The following NSDHL variants were observed in gnomAD, a reference collection of about 807,000 sequenced individuals.
The protein encoded by NSDHL is NAD(P) dependent 3-beta-hydroxysteroid dehydrogenase NSDHL.
Under a neutral mutation model 23.0 loss-of-function variants are expected in NSDHL, and 1 was observed. The observed-to-expected ratio is 0.04, with a 90% CI of 0.02 to 0.21. The LOEUF (loss-of-function observed/expected upper bound fraction) is 0.21, where lower values mean the gene tolerates loss of function less well. Ranked by LOEUF, NSDHL falls within the 10% of genes least tolerant of loss-of-function variation. The pLI is 1.00. For synonymous variants in NSDHL, 128 were observed against 121.1 expected (o/e 1.06, Z -0.37); for missense variants, 237 against 300.9 (o/e 0.79, Z 1.57).
chrX:152,868,469 G>T (rs1287440000), intron 7 of NSDHL, among the ~76,000 whole-genome samples: 31 of 112,226 alleles, frequency 2.8e-4, no homozygotes. Context: ...GCAGAACACC[G>T]TCAAGAAATG....
At chrX:152,865,793 G>C (rs377272148) in intron 5 of NSDHL, 26 bp from the exon 6 acceptor site, 7 of 1,211,715 alleles carry the variant, frequency 5.8e-6, no homozygotes, top group Non-Finnish European at 6.7e-6. Flanking sequence ...TGCAATGGAC[G>C]TGCCCCTTCT....
At chrX:152,865,754 G>A (rs1933596559) in intron 5 of NSDHL, 65 bp from the exon 6 acceptor site, 4 of 1,177,597 alleles carry the variant, frequency 3.4e-6, no homozygotes, top group Admixed American at 2.2e-5. Flanking sequence ...CACCCAGCGA[G>A]GCACTCTCTT....
intron 5 of NSDHL, among the ~76,000 whole-genome samples, chrX:152,862,959 C>T (rs1286236596): frequency 2.7e-5 from 3 of 111,163 alleles, no homozygotes; most frequent in East Asian, 2.8e-4. Context: ...GTCAGGAGTT[C>T]GAGACCAGCC....
chrX:152,862,625 C>T lies in NSDHL; in HGVS notation c.444C>T (p.Val148=). 8.3e-7 allele frequency: 1 copy of T among 1,206,423 alleles called. No individual in the cohort carries two copies. Among genetic ancestry groups the T allele is most frequent in the Non-Finnish European group, 1.1e-6 (1 of 890,858 alleles). ...QKLILTSSAS[V]IFEGVDIKNG... is the part of the protein sequence containing the mutation. Reference sequence around the variant, plus strand: ...TCATTTTAACCAGCAGTGCCAGTGTCATCTTTGAGGGCGTCGATATCAAGA... The same window carrying T: ...TCATTTTAACCAGCAGTGCCAGTGTTATCTTTGAGGGCGTCGATATCAAGA... The change falls in exon 5 of 8, where the codon GTC becomes GTT. Residue 148 remains valine (V), a synonymous_variant. Coordinates refer to ENST00000370274, the MANE Select transcript of NSDHL (RefSeq NM_015922.3).
chrX:152,866,116 A>G (rs938091397), intron 6 of NSDHL, among the ~76,000 whole-genome samples, 155 bp downstream of exon 6: 1 of 112,649 alleles, frequency 8.9e-6, no homozygotes, highest in Non-Finnish European at 1.9e-5. Flanking sequence ...AAGACTGGGT[A>G]ACAAACAACA....
intron 2 of NSDHL, among the ~76,000 whole-genome samples, chrX:152,847,502 A>G (rs1347046533): frequency 9.0e-6 from 1 of 111,513 alleles, no homozygotes; most frequent in Non-Finnish European, 1.9e-5. Flanking sequence ...GCAGTTCCTC[A>G]TTTATGTAAA....
rs782236914 is a variant in NSDHL at position 152,869,262 on chromosome X, G to A, written c.*146G>A. On this transcript the variant is annotated 3_prime_UTR_variant, in exon 8 of 8. Transcript: ENST00000370274. ...GCAGAGAGCGCACCCTACTCTTTCCGTGACGATGAGGGCGGCAAAAACAGA... is the reference window on the plus strand; with the variant it reads ...GCAGAGAGCGCACCCTACTCTTTCCATGACGATGAGGGCGGCAAAAACAGA... The A allele has an allele frequency of 7.5e-6, 4 of 532,236 alleles. No homozygotes were observed. The highest frequency in any genetic ancestry group is 5.1e-5 in the South Asian group (2 of 39,325). The allele number at this position is 532,236 out of a possible 1,213,427, so 43.9% of individuals were successfully genotyped here.
chrX:152,867,629 C>T lies in NSDHL; in HGVS notation c.745C>T (p.Leu249=). Residue 249 remains leucine, a synonymous_variant, in exon 7 of 8, where the codon CTG becomes TTG. Transcript: ENST00000370274. The part of the protein sequence containing the change: ...FVENVVHGHI[L]AAEQLSRDST... Reference sequence around the variant, plus strand: ...GGAGAACGTGGTCCATGGACACATCCTGGCGGCAGAGCAGCTCTCCCGAGA... The same window carrying T: ...GGAGAACGTGGTCCATGGACACATCTTGGCGGCAGAGCAGCTCTCCCGAGA... The T allele has an allele frequency of 8.3e-7, 1 of 1,210,567 alleles. No homozygotes were observed. The highest frequency in any genetic ancestry group is 1.1e-6 in the Non-Finnish European group (1 of 894,232).
chrX:152,855,601 A>C (rs185834683), intron 3 of NSDHL, among the ~76,000 whole-genome samples: 2 of 111,645 alleles, frequency 1.8e-5, no homozygotes, highest in East Asian at 5.6e-4. Flanking sequence ...CTCTCTTTCT[A>C]GAAGCCGTGC....
At position 152,849,289 on chromosome X, in the gene NSDHL, G is replaced by A. The variant is rs140371653; in HGVS notation, c.109-976G>A. On this transcript the variant is annotated intron_variant, in intron 2 of 7. Transcript: ENST00000370274. Reference sequence around the variant, plus strand: ...TCTTTCATTTCCACAAACCCAAGTTGGATTTACTGTATATGAGCTAAGGAA... The same window carrying A: ...TCTTTCATTTCCACAAACCCAAGTTAGATTTACTGTATATGAGCTAAGGAA... Among the ~76,000 whole-genome samples, 183 of 111,907 alleles carry A rather than the reference G, an allele frequency of 1.6e-3. 1 individual carries two copies. Among genetic ancestry groups the A allele is most frequent in the Non-Finnish European group, 2.7e-3 (141 of 53,151 alleles).
intron 3 of NSDHL, among the ~76,000 whole-genome samples, chrX:152,856,470 T>C (rs1170902792): frequency 4.5e-5 from 5 of 112,177 alleles, no homozygotes; most frequent in Non-Finnish European, 9.4e-5. Flanking sequence ...GTATTATTAC[T>C]TCTGATACTC....
rs782353569 is a variant in NSDHL at position 152,850,392 on chromosome X, G to A, written c.236G>A (p.Arg79Gln). Residue 79 changes from arginine to glutamine, a missense_variant, in exon 3 of 8, where the codon CGG becomes CAG. Physicochemically the swap from Arg to Gln is conservative, Grantham distance 43. Transcript: ENST00000370274. Reference sequence around the variant, plus strand: ...CAAGGGTTTGATAATCCCCAGGTGCGGTTCTTTCTGGGTGACCTCTGCAGC... The same window carrying A: ...CAAGGGTTTGATAATCCCCAGGTGCAGTTCTTTCTGGGTGACCTCTGCAGC... Reference protein sequence around the residue: ...IQQGFDNPQVRFFLGDLCSRQ... With the variant: ...IQQGFDNPQVQFFLGDLCSRQ... 1.8e-5 allele frequency: 22 copies of A among 1,208,820 alleles called. No homozygotes were observed. The highest frequency in any genetic ancestry group is 4.6e-4 in the Middle Eastern group (2 of 4,348).
chrX:152,850,465 G>T, intron 3 of NSDHL, 42 bp downstream of exon 3: 1 of 1,156,541 alleles, frequency 8.6e-7, no homozygotes, highest in South Asian at 1.8e-5. Flanking sequence ...ACGAGCCCAC[G>T]AAGGGAAACC....
At chrX:152,859,382 C>T (rs1168601943) in intron 4 of NSDHL, among the ~76,000 whole-genome samples, 1 of 111,717 alleles carries the variant, frequency 9.0e-6, no homozygotes, top group Non-Finnish European at 1.9e-5. Context: ...ACTCCTCAAT[C>T]GCCCTTCCCT....
intron 1 of NSDHL, among the ~76,000 whole-genome samples, chrX:152,838,662 A>G (rs1397191080): frequency 9.0e-6 from 1 of 111,698 alleles, no homozygotes; most frequent in Non-Finnish European, 1.9e-5. Flanking sequence ...TGTCTGAGAG[A>G]CGGTTTGTTG....
At chrX:152,837,211 T>G (rs1556844250) in intron 1 of NSDHL, among the ~76,000 whole-genome samples, 1 of 111,898 alleles carries the variant, frequency 8.9e-6, no homozygotes, top group African/African-American at 3.3e-5. Flanking sequence ...ACGATAGGGT[T>G]TTCTAAATAT....
Position 152,868,815 on chromosome X carries a change from C to G in NSDHL, c.821C>G (p.Pro274Arg), listed in dbSNP as rs139439305. 27 of 1,209,955 alleles carry G rather than the reference C, an allele frequency of 2.2e-5. No homozygotes were observed. In the African/African-American group the frequency reaches 4.2e-4, roughly 19 times the overall value. ...AFHITNDEPIPFWTFLSRILT... is the reference protein window; with the variant it reads ...AFHITNDEPIRFWTFLSRILT... The stretch of plus-strand genomic sequence containing the variant: ...CACATCACCAATGATGAGCCCATCC[C>G]TTTCTGGACATTCCTGTCTCGCATC... Residue 274 changes from proline to arginine, a missense_variant, in exon 8 of 8, where the codon CCT becomes CGT. By Grantham distance (103) the Pro-to-Arg change is moderately radical. Coordinates refer to ENST00000370274, the MANE Select transcript of NSDHL (RefSeq NM_015922.3).
chrX:152,834,376 G>A (rs782186054), intron 1 of NSDHL, among the ~76,000 whole-genome samples: 37 of 112,820 alleles, frequency 3.3e-4, no homozygotes, highest in African/African-American at 1.1e-3. Context: ...TGTCCTAAAA[G>A]TAAATAGAGA....
intron 3 of NSDHL, among the ~76,000 whole-genome samples, chrX:152,852,563 C>T (rs1933374795): frequency 9.0e-6 from 1 of 111,210 alleles, no homozygotes; most frequent in Non-Finnish European, 1.9e-5. Flanking sequence ...TAGAGCCTGG[C>T]CCAGGTGGCA....
Sources: allele counts gnomAD v4.1 joint callset (sites outside exome capture counted in the v4.1 genomes callset), GRCh38; gene constraint gnomAD v4.1.1; transcripts MANE v1.5; gene names NCBI Gene and HGNC (gene_info 2026-07-23, HGNC 2026-07-21).